The following LGSN variants were observed in gnomAD, a reference collection of about 807,000 sequenced individuals.
The protein encoded by LGSN is lengsin, lens protein with glutamine synthetase domain.
A neutral mutation model predicts 19.5 loss-of-function variants in LGSN; 21 were observed. That is an observed-to-expected ratio of 1.07 (90% CI 0.76 to 1.55). The LOEUF is 1.55. Ranked by LOEUF, LGSN falls within the 40% of genes most tolerant of loss-of-function variation. The pLI is 0.00. For missense variants in LGSN, 673 were observed against 608.5 expected (o/e 1.11, Z -1.12); for synonymous variants, 257 against 215.6 (o/e 1.19, Z -1.68).
At chr6:63,432,350 T>A in the LGSN span, among the ~76,000 whole-genome samples, 4 of 152,134 alleles carry the variant, frequency 2.6e-5, no homozygotes, top group Non-Finnish European at 5.9e-5. Flanking sequence ...AAGATCCTGG[T>A]AACTGACATT....
chr6:63,452,665 C>CTCTCTCTG, the LGSN span, among the ~76,000 whole-genome samples: 1 of 151,420 alleles, frequency 6.6e-6, no homozygotes, highest in South Asian at 2.1e-4. Flanking sequence ...CTCTCTCTCT[C>CTCTCTCTG]TCTCTCTCTC....
chr6:63,529,277 C>T, the LGSN span, among the ~76,000 whole-genome samples: 2 of 151,228 alleles, frequency 1.3e-5, no homozygotes, highest in Admixed American at 6.6e-5. Context: ...TCTGGAGTCT[C>T]AGAAAAATAA....
chr6:63,280,929 A>C lies in LGSN; in HGVS notation c.622T>G (p.Tyr208Asp). Reference protein sequence around the residue: ...SGFSLLSAFIYDFCIFGVPEI... With the variant: ...SGFSLLSAFIDDFCIFGVPEI... Reference sequence around the variant, plus strand: ...GGCACACCAAAAATGCAAAAATCATAGATGAAAGCAGAAAGCAGGGAAAAG... The same window carrying C: ...GGCACACCAAAAATGCAAAAATCATCGATGAAAGCAGAAAGCAGGGAAAAG... The change falls in exon 4 of 4, where the codon TAT (tyrosine) becomes GAT (aspartate). Residue 208 changes from tyrosine to aspartate, a missense_variant. Transcript: ENST00000370657. The C allele has an allele frequency of 6.2e-7, 1 of 1,614,140 alleles. No homozygotes were observed. The highest frequency in any genetic ancestry group is 8.5e-7 in the Non-Finnish European group (1 of 1,180,026).
the LGSN span, among the ~76,000 whole-genome samples, chr6:63,342,747 C>A: frequency 2.6e-5 from 4 of 152,264 alleles, no homozygotes; most frequent in East Asian, 7.7e-4. Flanking sequence ...TTAATACTGT[C>A]CCTTTTTACA....
the LGSN span, among the ~76,000 whole-genome samples, chr6:63,539,077 G>C: frequency 2.0e-5 from 3 of 151,890 alleles, no homozygotes; most frequent in African/African-American, 7.3e-5. Flanking sequence ...TTTTTTAGTA[G>C]AGTAGAGGTT....
At chr6:63,324,063 C>T (rs1769168408), upstream of LGSN, among the ~76,000 whole-genome samples, 2 of 152,106 alleles carry the variant, frequency 1.3e-5, no homozygotes, top group South Asian at 2.1e-4. Flanking sequence ...TGAGCCACCG[C>T]TTCCGGCTTG....
chr6:63,281,191 G>A lies in LGSN; in HGVS notation c.360C>T (p.Pro120=), dbSNP rs752522537. The A allele has an allele frequency of 1.2e-6, 2 of 1,601,222 alleles. No individual in the cohort carries two copies. Among genetic ancestry groups the A allele is most frequent in the Non-Finnish European group, 1.7e-6 (2 of 1,173,684 alleles). The change falls in exon 4 of 4, where the codon CCC becomes CCT. Residue 120 remains proline (P), a synonymous_variant. Transcript: ENST00000370657. ...TTGGTATCACTTCAAGATAACCTCG[G>A]GGCATGCAAACACCATGGCTCACTT... ...QEKVSHGVCM[P]RGYLEVIPNP... is the part of the protein sequence containing the mutation.
chr6:63,323,739 G>GA, upstream of LGSN, among the ~76,000 whole-genome samples: 1 of 147,840 alleles, frequency 6.8e-6, no homozygotes, highest in African/African-American at 2.5e-5. Context: ...TAGCTTAAGA[G>GA]AAAAACCACT....
the LGSN span, among the ~76,000 whole-genome samples, chr6:63,388,336 G>A: frequency 6.6e-6 from 1 of 152,162 alleles, no homozygotes. Context: ...AGAAAAGTGA[G>A]GTCCTATTAT....
chr6:63,497,320 G>A, the LGSN span, among the ~76,000 whole-genome samples: 3 of 152,136 alleles, frequency 2.0e-5, no homozygotes, highest in East Asian at 3.9e-4. Context: ...AGGCCAAGGC[G>A]GGCGGATCAC....
the LGSN span, among the ~76,000 whole-genome samples, chr6:63,328,469 A>G: frequency 2.0e-5 from 3 of 152,330 alleles, no homozygotes; most frequent in Admixed American, 6.5e-5. Flanking sequence ...TTTGGCACCT[A>G]GTGTGCCATT....
At chr6:63,314,267 A>G (rs1768757730) in intron 1 of LGSN, among the ~76,000 whole-genome samples, 1 of 152,172 alleles carries the variant, frequency 6.6e-6, no homozygotes, top group East Asian at 1.9e-4. Context: ...AAGAGTGCTT[A>G]CTTCCTCTGT....
the LGSN span, among the ~76,000 whole-genome samples, chr6:63,512,498 C>T: frequency 5.3e-5 from 8 of 152,180 alleles, no homozygotes; most frequent in Admixed American, 3.9e-4. Context: ...ATCTTCCATG[C>T]CCCACTTTTT....
At chr6:63,389,039 G>C in the LGSN span, among the ~76,000 whole-genome samples, 1 of 152,110 alleles carries the variant, frequency 6.6e-6, no homozygotes. Context: ...AAAAAGGGAA[G>C]GGAAAAGAAG....
the LGSN span, among the ~76,000 whole-genome samples, chr6:63,497,438 A>G: frequency 6.6e-6 from 1 of 152,132 alleles, no homozygotes; most frequent in South Asian, 2.1e-4. Flanking sequence ...AATCCCCGCT[A>G]TTCAGGAGGC....
At chr6:63,496,474 A>G in the LGSN span, among the ~76,000 whole-genome samples, 2 of 152,248 alleles carry the variant, frequency 1.3e-5, no homozygotes, top group African/African-American at 4.8e-5. Context: ...TGGCATCGCT[A>G]TACACAAGGG....
At chr6:63,513,014 T>C in the LGSN span, among the ~76,000 whole-genome samples, 1 of 152,204 alleles carries the variant, frequency 6.6e-6, no homozygotes, top group Non-Finnish European at 1.5e-5. Context: ...GGCCAAACCA[T>C]AGGGACATTC....
chr6:63,288,686 G>A (rs1315648089), intron 2 of LGSN, among the ~76,000 whole-genome samples: 3 of 152,156 alleles, frequency 2.0e-5, no homozygotes, highest in East Asian at 1.9e-4. Flanking sequence ...CTAGAGGTCC[G>A]AAACCAAAGG....
the LGSN span, among the ~76,000 whole-genome samples, chr6:63,510,044 G>A: frequency 2.0e-5 from 3 of 152,132 alleles, no homozygotes; most frequent in East Asian, 5.8e-4. Context: ...ATAAAGCTTC[G>A]GTTAAAATTA....
Sources: gnomAD v4.1 joint callset for allele counts (sites outside exome capture counted in the v4.1 genomes callset) on GRCh38, gnomAD v4.1.1 for gene constraint, MANE v1.5 for transcripts, NCBI Gene and HGNC (gene_info 2026-07-23, HGNC 2026-07-21) for gene names.